THRA: variants seen among roughly 807,000 people sequenced by gnomAD.
THRA encodes the protein thyroid hormone receptor alpha.
THRA carries 13 observed loss-of-function variants against 45.0 expected under a neutral mutation model. That is an observed-to-expected ratio of 0.29 (90% confidence interval 0.19 to 0.46). THRA has a LOEUF of 0.46. THRA is among the 20% of genes least tolerant of loss of function. The probability of loss-of-function intolerance (pLI) is 1.00; values close to 1 mark genes in which losing one functional copy is unlikely to be tolerated. For synonymous variants in THRA, 195 were observed against 214.0 expected, an observed-to-expected ratio of 0.91 and a Z score of 0.78; for missense variants, 278 against 556.1, an observed-to-expected ratio of 0.50 and a Z score of 5.03.
At chr17:40,077,084 G>A (rs766208212) in intron 3 of THRA, 146 bp downstream of exon 3, 13 of 826,952 alleles carry the variant, frequency 1.6e-5, no homozygotes, top group Non-Finnish European at 2.3e-5. Flanking sequence ...TTGTCTGGGG[G>A]TGAGAAAGGT....
chr17:40,067,567 T>C (rs938642674), intron 1 of THRA, among the ~76,000 whole-genome samples: 2 of 152,192 alleles, frequency 1.3e-5, no homozygotes, highest in African/African-American at 4.8e-5. Context: ...AGATCCAGCA[T>C]CTGTCCTGGG....
In THRA at chr17:40,083,752, CT is replaced by C. The variant is rs546039770; in HGVS notation, c.223-82del. On this transcript the variant is annotated intron_variant, in intron 4 of 8. Coordinates refer to ENST00000450525, the MANE Select transcript of THRA (RefSeq NM_199334.5). ...ATCTTGCCTTCCTTGCTCTCCACCCCTGACCCCTAGTAAACTGCATGGTTGG... is the reference window on the plus strand; with the variant it reads ...ATCTTGCCTTCCTTGCTCTCCACCCCGACCCCTAGTAAACTGCATGGTTGG... 3.8e-3 allele frequency: 5,733 copies of C among 1,499,542 alleles called. 16 individuals are homozygous for C. The highest frequency in any genetic ancestry group is 9.4e-3 in the Middle Eastern group (52 of 5,538). The allele number at this position is 1,499,542 out of a possible 1,614,324, so 92.9% of individuals were successfully genotyped here.
chr17:40,073,429 A>G (rs1278183053), intron 1 of THRA, among the ~76,000 whole-genome samples: 1 of 152,204 alleles, frequency 6.6e-6, no homozygotes, highest in Non-Finnish European at 1.5e-5. Context: ...TCTGAGACTC[A>G]GTTTCCTCAT....
In THRA at chr17:40,088,227, C is replaced by T. The variant is rs370328265; in HGVS notation, c.724-15C>T. The T allele has an allele frequency of 3.8e-6, 6 of 1,570,444 alleles. No individual in the cohort carries two copies. The highest frequency in any genetic ancestry group is 4.3e-6 in the Non-Finnish European group (5 of 1,155,390). On this transcript the variant is annotated splice_polypyrimidine_tract_variant and intron_variant, in intron 7 of 8. Transcript: ENST00000450525. ...GGGGTATGCTGAGTGCTCCTGTGGC[C>T]CTGCCGCTCCACAGCTGCCTTGCGA... is the stretch of plus-strand genomic sequence containing the variant.
downstream of THRA, chr17:40,093,714 C>T (rs1475775358): frequency 3.1e-6 from 2 of 642,032 alleles, no homozygotes; most frequent in Admixed American, 5.8e-5. The surrounding 1 kb of genome is among the most constrained non-coding windows in gnomAD (Gnocchi z 5.9). Context: ...TTGGTTCATG[C>T]TTCTACTGTG....
Position 40,077,624 on chromosome 17 carries a change from C to T in THRA, c.222+16C>T. 1 of 1,603,864 alleles carries T rather than the reference C, an allele frequency of 6.2e-7. No individual in the cohort carries two copies. The highest frequency in any genetic ancestry group is 2.2e-5 in the East Asian group (1 of 44,826). On this transcript the variant is annotated intron_variant, in intron 4 of 8. Transcript: ENST00000450525. The stretch of plus-strand genomic sequence containing the variant: ...GGGCTGCAAGGTATGGAAGCTACCT[C>T]CTGCCCCTCCCCTGCCACCTGAGCC...
At chr17:40,079,678 T>A (rs1035495804) in intron 4 of THRA, among the ~76,000 whole-genome samples, 2 of 152,190 alleles carry the variant, frequency 1.3e-5, no homozygotes, top group African/African-American at 2.4e-5. Context: ...CCGGTGGCAC[T>A]GTTTTAAACA....
rs1987531337 is a variant in THRA, at chr17:40,091,264, A to ATG, written c.*1808_*1809insTG. On this transcript the variant is annotated 3_prime_UTR_variant, in exon 9 of 9. Coordinates refer to ENST00000450525, the MANE Select transcript of THRA (RefSeq NM_199334.5). ...CACACACACACACACACACACACAC[A>ATG]CACACACGGACATGCACACACGGAC... 1 of 155,604 alleles carries ATG rather than the reference A, an allele frequency of 6.4e-6. No homozygotes were observed. The highest frequency in any genetic ancestry group is 1.4e-5 in the Non-Finnish European group (1 of 71,518). The allele number at this position is 155,604 out of a possible 1,614,324, so 9.6% of individuals were successfully genotyped here.
At chr17:40,075,657 T>TC (rs1195235598) in intron 2 of THRA, among the ~76,000 whole-genome samples, 3 of 151,742 alleles carry the variant, frequency 2.0e-5, no homozygotes, top group Admixed American at 6.6e-5. Flanking sequence ...CTGCAACCCC[T>TC]CCCCCATCAC....
At chr17:40,070,625 C>T (rs949197485) in intron 1 of THRA, among the ~76,000 whole-genome samples, 6 of 152,156 alleles carry the variant, frequency 3.9e-5, no homozygotes, top group African/African-American at 7.2e-5. Context: ...CCCTCAGCAT[C>T]GCCCTTCCTG....
rs766183764 is a variant in THRA at position 40,083,899 on chromosome 17, G to T, written c.287G>T (p.Cys96Phe). The T allele has an allele frequency of 6.2e-6, 10 of 1,613,892 alleles. No homozygotes were observed. The Admixed American group carries it at 6.7e-5, about 11-fold the overall frequency. Residue 96 changes from cysteine to phenylalanine, a missense_variant, in exon 5 of 9, where the codon TGC becomes TTC. Transcript: ENST00000450525. Reference sequence around the variant, plus strand: ...ACCTATTCCTGCAAATATGACAGCTGCTGTGTCATTGACAAGATCACCCGC... The same window carrying T: ...ACCTATTCCTGCAAATATGACAGCTTCTGTGTCATTGACAAGATCACCCGC... The part of the protein sequence containing the change: ...HPTYSCKYDS[C>F]CVIDKITRNQ...
intron 4 of THRA, among the ~76,000 whole-genome samples, chr17:40,082,017 A>G (rs1235299582): frequency 6.6e-6 from 1 of 152,040 alleles, no homozygotes; most frequent in Non-Finnish European, 1.5e-5. Context: ...ATCCCAATGT[A>G]GAGAATTGAA....
At chr17:40,074,826 G>A (rs115853023) in intron 2 of THRA, among the ~76,000 whole-genome samples, 69 of 152,300 alleles carry the variant, frequency 4.5e-4, no homozygotes, top group African/African-American at 1.6e-3. Context: ...TGCCCCCAAC[G>A]TCCCTTCCAC....
In THRA at chr17:40,092,871, G is replaced by A; in HGVS notation, c.*3415G>A. Reference sequence around the variant, plus strand: ...GGGAGGGTTGTGGGGGAGACAGAGTGGTTTAAATAGGGGAGGAGGGGAAGT... The same window carrying A: ...GGGAGGGTTGTGGGGGAGACAGAGTAGTTTAAATAGGGGAGGAGGGGAAGT... On this transcript the variant is annotated 3_prime_UTR_variant, in exon 9 of 9. Coordinates refer to ENST00000450525, the MANE Select transcript of THRA (RefSeq NM_199334.5). 1 of 1,129,728 alleles carries A rather than the reference G, an allele frequency of 8.9e-7. No individual in the cohort carries two copies. The highest frequency in any genetic ancestry group is 1.7e-5 in the South Asian group (1 of 60,474). 70.0% of individuals were successfully genotyped at this position (1,129,728 alleles called of 1,614,324 possible).
At chr17:40,073,708 G>A (rs571694268) in intron 1 of THRA, among the ~76,000 whole-genome samples, 72 of 152,174 alleles carry the variant, frequency 4.7e-4, no homozygotes, top group African/African-American at 1.7e-3. Context: ...CTCTATTAAG[G>A]CACAAAGATG....
At position 40,092,944 on chromosome 17, in the gene THRA, C is replaced by T; in HGVS notation, c.*3488C>T. ...GGTATTTACAAGAAGGCTCAGGGGG[C>T]CAGAGGCTCATCTTGGAATATTTTA... On this transcript the variant is annotated 3_prime_UTR_variant, in exon 9 of 9. Coordinates refer to ENST00000450525, the MANE Select transcript of THRA (RefSeq NM_199334.5). 1 of 1,540,760 alleles carries T rather than the reference C, an allele frequency of 6.5e-7. No individual in the cohort carries two copies. Among genetic ancestry groups the T allele is most frequent in the Non-Finnish European group, 8.8e-7 (1 of 1,142,534 alleles).
intron 4 of THRA, among the ~76,000 whole-genome samples, chr17:40,081,502 A>G (rs1314189940): frequency 6.6e-6 from 1 of 151,678 alleles, no homozygotes; most frequent in Non-Finnish European, 1.5e-5. Context: ...CCTGGCCTCA[A>G]GTGATCTGCC....
intron 6 of THRA, 94 bp downstream of exon 6, chr17:40,084,909 G>A (rs1987270880): frequency 7.0e-7 from 1 of 1,419,420 alleles, no homozygotes; most frequent in Non-Finnish European, 9.7e-7. Flanking sequence ...AGTCTTCTTA[G>A]TGTAATCCAA....
In THRA at chr17:40,092,970, T is replaced by A. The variant is rs1232926583; in HGVS notation, c.*3514T>A. 3 of 1,584,490 alleles carry A rather than the reference T, an allele frequency of 1.9e-6. No homozygotes were observed. Among genetic ancestry groups the A allele is most frequent in the Non-Finnish European group, 2.6e-6 (3 of 1,162,876 alleles). ...CAGAGGCTCATCTTGGAATATTTTA[T>A]AACAATATAAATAAGATTCTGGTTT... On this transcript the variant is annotated 3_prime_UTR_variant, in exon 9 of 9. Transcript: ENST00000450525.
Sources: gnomAD v4.1 joint callset for allele counts (sites outside exome capture counted in the v4.1 genomes callset) on GRCh38, gnomAD v4.1.1 for gene constraint, Gnocchi (gnomAD v3.1) non-coding constraint, MANE v1.5 for transcripts, NCBI Gene and HGNC (gene_info 2026-07-23, HGNC 2026-07-21) for gene names.